The following AR variants were observed in gnomAD, a reference collection of about 807,000 sequenced individuals.
AR encodes the protein dihydrotestosterone receptor.
In AR, 8 loss-of-function variants were observed where a neutral mutation model predicts 53.9. The observed-to-expected ratio is 0.15, with a 90% CI of 0.09 to 0.27. The LOEUF (loss-of-function observed/expected upper bound fraction) is 0.27. AR is among the 10% of genes least tolerant of loss of function. The pLI is 1.00. For synonymous variants in AR, 359 were observed against 316.4 expected, an observed-to-expected ratio of 1.13 and a Z score of -1.43; for missense variants, 639 against 742.5, an observed-to-expected ratio of 0.86 and a Z score of 1.62.
At chrX:67,695,899 A>G in intron 3 of AR, 1 of 753,795 alleles carries the variant, frequency 1.3e-6, no homozygotes, top group South Asian at 6.8e-5. Context: ...CCAAGGAAGG[A>G]CTTCAGGAGG....
At chrX:67,629,176 C>T (rs1468984226) in intron 1 of AR, among the ~76,000 whole-genome samples, 1 of 109,901 alleles carries the variant, frequency 9.1e-6, no homozygotes, top group African/African-American at 3.3e-5. Flanking sequence ...AGGATTCCCT[C>T]TTTTTCTATT....
chrX:67,712,627 C>T (rs2076098167), intron 4 of AR, among the ~76,000 whole-genome samples: 2 of 112,240 alleles, frequency 1.8e-5, no homozygotes, highest in Non-Finnish European at 3.8e-5. Context: ...TAGCTTGGGC[C>T]TCACCAGTTC....
chrX:67,626,059 A>G (rs987806122), intron 1 of AR, among the ~76,000 whole-genome samples: 1 of 111,781 alleles, frequency 8.9e-6, no homozygotes, highest in Admixed American at 9.5e-5. Context: ...AGCATTTATC[A>G]TTTGTGTTAC....
At chrX:67,629,974 C>G (rs1159152233) in intron 1 of AR, among the ~76,000 whole-genome samples, 5 of 111,428 alleles carry the variant, frequency 4.5e-5, no homozygotes, top group Non-Finnish European at 9.4e-5. Context: ...ATACTGAGTT[C>G]TAGTTTGATT....
At chrX:67,626,457 T>TC (rs1924645711) in intron 1 of AR, among the ~76,000 whole-genome samples, 1 of 89,033 alleles carries the variant, frequency 1.1e-5, no homozygotes, top group Non-Finnish European at 2.2e-5. Context: ...TTTTTTTTTT[T>TC]TTTGAGATGG....
chrX:67,545,771 G>A lies in AR; in HGVS notation c.625G>A (p.Gly209Arg), dbSNP rs775392428. 4 of 1,211,728 alleles carry A rather than the reference G, an allele frequency of 3.3e-6. No homozygotes were observed. Among genetic ancestry groups the A allele is most frequent in the Admixed American group, 2.2e-5 (1 of 46,086 alleles). The stretch of plus-strand genomic sequence containing the variant: ...AGCAGTATCCGAAGGCAGCAGCAGC[G>A]GGAGAGCGAGGGAGGCCTCGGGGGC... Reference protein sequence around the residue: ...QEAVSEGSSSGRAREASGAPT... With the variant: ...QEAVSEGSSSRRAREASGAPT... The change falls in exon 1 of 8, where the codon GGG becomes AGG. Residue 209 changes from glycine (G) to arginine (R), a missense_variant. Physicochemically the swap from Gly to Arg is moderately radical, Grantham distance 125. Around this residue, in one of 5 missense-constraint regions of AR, gnomAD observed 423 missense variants for 377.0 expected, o/e 1.12. Coordinates refer to ENST00000374690, the MANE Select transcript of AR (RefSeq NM_000044.6).
chrX:67,723,918 A>G lies in AR; in HGVS notation c.*77A>G. ...CTTCTGCCTGTTATAACTCTGCACT[A>G]CTCCTCTGCAGTGCCTTGGGGAATT... On this transcript the variant is annotated 3_prime_UTR_variant, in exon 8 of 8. Transcript: ENST00000374690. 2.7e-6 allele frequency: 3 copies of G among 1,120,969 alleles called. No individual in the cohort carries two copies. The highest frequency in any genetic ancestry group is 3.6e-6 in the Non-Finnish European group (3 of 823,872). The allele number at this position is 1,120,969 out of a possible 1,213,427, so 92.4% of individuals were successfully genotyped here.
chrX:67,707,565 C>G (rs767432564), intron 3 of AR, among the ~76,000 whole-genome samples: 20 of 111,733 alleles, frequency 1.8e-4, no homozygotes, highest in African/African-American at 6.5e-4. Flanking sequence ...CTGAATACAG[C>G]ACACTGATGG....
At chrX:67,567,768 A>G (rs1461013838) in intron 1 of AR, among the ~76,000 whole-genome samples, 2 of 112,405 alleles carry the variant, frequency 1.8e-5, no homozygotes, top group African/African-American at 3.2e-5. Context: ...AATTCTAATT[A>G]TATAGATGAA....
intron 1 of AR, among the ~76,000 whole-genome samples, chrX:67,599,642 G>T (rs1248666560): frequency 1.8e-5 from 2 of 111,833 alleles, no homozygotes; most frequent in African/African-American, 6.5e-5. Context: ...ACAAAAATGA[G>T]TCCATGATGT....
At chrX:67,652,281 G>C (rs751297286) in intron 2 of AR, among the ~76,000 whole-genome samples, 2 of 111,955 alleles carry the variant, frequency 1.8e-5, no homozygotes, top group Non-Finnish European at 3.8e-5. Flanking sequence ...GTATCTGTAT[G>C]TGGACCCTGA....
intron 2 of AR, among the ~76,000 whole-genome samples, chrX:67,681,645 A>G (rs1369365462): frequency 3.6e-5 from 4 of 112,175 alleles, no homozygotes; most frequent in Non-Finnish European, 5.6e-5. Flanking sequence ...ATTAGGCCCA[A>G]TGGGTTAGAG....
At position 67,545,400 on chromosome X, in the gene AR, GGCAGCA is replaced by G; in HGVS notation, c.268_273del (p.Gln90_Gln91del). 2.5e-6 allele frequency: 3 copies of G among 1,177,444 alleles called. No individual in the cohort carries two copies. The highest frequency in any genetic ancestry group is 2.3e-6 in the Non-Finnish European group (2 of 878,819). ...CAGCAGCAGCAAGAGACTAGCCCCA[GGCAGCA>G]GCAGCAGCAGCAGGGTGAGGATGGT... On this transcript the variant is annotated inframe_deletion, in exon 1 of 8. Coordinates refer to ENST00000374690, the MANE Select transcript of AR (RefSeq NM_000044.6).
chrX:67,718,475 C>T (rs765709183), intron 5 of AR, among the ~76,000 whole-genome samples: 3 of 111,284 alleles, frequency 2.7e-5, no homozygotes, highest in Admixed American at 9.5e-5. Context: ...TTAACTTTTC[C>T]GACCCTCAAT....
intron 3 of AR, among the ~76,000 whole-genome samples, chrX:67,704,144 C>A (rs12862050): frequency 8.9e-6 from 1 of 111,815 alleles, no homozygotes; most frequent in Admixed American, 9.5e-5. Context: ...GACATATAAT[C>A]CTTTGGGTAT....
At chrX:67,590,832 A>G (rs1387366071) in intron 1 of AR, among the ~76,000 whole-genome samples, 1 of 112,398 alleles carries the variant, frequency 8.9e-6, no homozygotes, top group Non-Finnish European at 1.9e-5. Flanking sequence ...AGTGTAATCT[A>G]AGATAGTGCT....
At chrX:67,583,598 T>C (rs894911254) in intron 1 of AR, among the ~76,000 whole-genome samples, 7 of 112,021 alleles carry the variant, frequency 6.2e-5, no homozygotes, top group Admixed American at 4.7e-4. Context: ...CCAATGGTCA[T>C]TCTGCTAACC....
intron 3 of AR, among the ~76,000 whole-genome samples, chrX:67,707,343 T>C (rs902078884): frequency 2.3e-4 from 26 of 112,224 alleles, no homozygotes; most frequent in African/African-American, 8.4e-4. Flanking sequence ...TGCATATATA[T>C]TTAGGATAGT....
At chrX:67,685,905 G>A (rs1227410638) in intron 2 of AR, 105 bp from the exon 3 acceptor site, 4 of 1,124,827 alleles carry the variant, frequency 3.6e-6, no homozygotes, top group Non-Finnish European at 3.6e-6. Flanking sequence ...CTTTTTTCAT[G>A]TGGTAGGATA....
Sources: gnomAD v4.1 joint callset for allele counts (sites outside exome capture counted in the v4.1 genomes callset) on GRCh38, gnomAD v4.1.1 for gene constraint, gnomAD v4.1.1 regional missense constraint, MANE v1.5 for transcripts, NCBI Gene and HGNC (gene_info 2026-07-23, HGNC 2026-07-21) for gene names.